ME1: variants seen among roughly 807,000 people sequenced by gnomAD.
ME1 encodes NADP-dependent malic enzyme.
Under a neutral mutation model 66.4 loss-of-function variants are expected in ME1, and 74 were observed. That is an observed-to-expected ratio of 1.11 (90% CI 0.92 to 1.35). ME1 has a LOEUF of 1.35. Among genes scored for constraint, ME1 ranks in the 40% most tolerant of loss-of-function variants. The pLI, the probability that ME1 is intolerant of heterozygous loss-of-function variation, is 0.00. For missense variants in ME1, 750 were observed against 694.1 expected (o/e 1.08, Z -0.90); for synonymous variants, 251 against 235.6 (o/e 1.07, Z -0.60).
chr6:83,233,236 G>C (rs964637955), intron 9 of ME1, among the ~76,000 whole-genome samples: 14 of 151,354 alleles, frequency 9.2e-5, no homozygotes, highest in South Asian at 2.1e-4. Context: ...TTTTTGTTTT[G>C]GAAGGTTTTT....
intron 6 of ME1, among the ~76,000 whole-genome samples, chr6:83,255,155 C>T (rs1033881550): frequency 1.3e-5 from 2 of 151,692 alleles, no homozygotes; most frequent in Admixed American, 6.6e-5. Flanking sequence ...CTGGTGTTAA[C>T]GTTTTTTGTT....
At chr6:83,269,105 A>G (rs1449151293) in intron 6 of ME1, among the ~76,000 whole-genome samples, 1 of 152,172 alleles carries the variant, frequency 6.6e-6, no homozygotes, top group Non-Finnish European at 1.5e-5. Context: ...GTGTATATTT[A>G]GGTAAGTGTT....
chr6:83,278,366 A>G (rs1767228467), intron 6 of ME1, among the ~76,000 whole-genome samples: 3 of 152,354 alleles, frequency 2.0e-5, no homozygotes, highest in East Asian at 3.9e-4. Flanking sequence ...TTAGGTTTTG[A>G]CTGAAGATTT....
chr6:83,388,764 T>A (rs970233075), intron 3 of ME1, among the ~76,000 whole-genome samples: 1 of 152,174 alleles, frequency 6.6e-6, no homozygotes, highest in Non-Finnish European at 1.5e-5. Flanking sequence ...AAAAAGACTA[T>A]CACCAGCAAA....
chr6:83,237,543 T>C (rs778264350), intron 9 of ME1, among the ~76,000 whole-genome samples, 174 bp downstream of exon 9: 3 of 152,184 alleles, frequency 2.0e-5, no homozygotes, highest in Admixed American at 6.5e-5. Context: ...TCCTAAGTCA[T>C]AGTTTTCTTT....
intron 6 of ME1, among the ~76,000 whole-genome samples, chr6:83,282,814 G>T (rs1483828799): frequency 6.6e-6 from 1 of 152,188 alleles, no homozygotes; most frequent in East Asian, 1.9e-4. Context: ...GCACATGTAT[G>T]TTTGCTGCAG....
At chr6:83,396,700 A>G (rs1223157436) in intron 3 of ME1, among the ~76,000 whole-genome samples, 1 of 152,218 alleles carries the variant, frequency 6.6e-6, no homozygotes, top group African/African-American at 2.4e-5. Flanking sequence ...AGCTAGAGGT[A>G]TCATACTACC....
intron 6 of ME1, among the ~76,000 whole-genome samples, chr6:83,262,963 A>G (rs1766924922): frequency 6.6e-6 from 1 of 152,160 alleles, no homozygotes; most frequent in East Asian, 1.9e-4. Context: ...AGATACTGCC[A>G]TTTTTTTACA....
At chr6:83,333,182 G>T (rs889572791) in intron 5 of ME1, among the ~76,000 whole-genome samples, 2 of 152,072 alleles carry the variant, frequency 1.3e-5, no homozygotes, top group Non-Finnish European at 2.9e-5. Context: ...ATTAAAATTT[G>T]CTAGGTTATT....
intron 2 of ME1, among the ~76,000 whole-genome samples, chr6:83,400,205 G>A (rs1332836467): frequency 6.6e-6 from 1 of 152,114 alleles, no homozygotes; most frequent in African/African-American, 2.4e-5. Flanking sequence ...GGGTCCTGGT[G>A]GGTATTTGGA....
intron 6 of ME1, among the ~76,000 whole-genome samples, chr6:83,258,057 G>T (rs994062110): frequency 6.6e-6 from 1 of 152,150 alleles, no homozygotes. Context: ...TTTCTCTGTG[G>T]TTAAAATGAA....
At chr6:83,426,720 T>G (rs1180269660) in intron 1 of ME1, among the ~76,000 whole-genome samples, 1 of 152,204 alleles carries the variant, frequency 6.6e-6, no homozygotes, top group East Asian at 1.9e-4. Context: ...TGACCCAAAT[T>G]AACTTCGATA....
intron 6 of ME1, among the ~76,000 whole-genome samples, chr6:83,300,963 G>A (rs1156920329): frequency 6.6e-6 from 1 of 152,100 alleles, no homozygotes; most frequent in Non-Finnish European, 1.5e-5. Context: ...ACCAAACACT[G>A]CGTGTTCTCA....
At chr6:83,340,898 G>A (rs1203843675) in intron 5 of ME1, among the ~76,000 whole-genome samples, 1 of 151,716 alleles carries the variant, frequency 6.6e-6, no homozygotes, top group African/African-American at 2.4e-5. Flanking sequence ...CTTTTTGTCT[G>A]TTTGCCTCTT....
At chr6:83,263,311 A>G (rs1171518069) in intron 6 of ME1, among the ~76,000 whole-genome samples, 2 of 152,138 alleles carry the variant, frequency 1.3e-5, no homozygotes, top group Admixed American at 1.3e-4. Context: ...ACCCCACAAT[A>G]GCCTTTAAGT....
intron 13 of ME1, among the ~76,000 whole-genome samples, chr6:83,213,035 G>GTT (rs572075871): frequency 0.12 from 16,518 of 138,620 alleles, 1,442 homozygotes; most frequent in East Asian, 0.24. Flanking sequence ...ATTCACACCA[G>GTT]TTTTTTTTTT....
intron 6 of ME1, among the ~76,000 whole-genome samples, chr6:83,275,389 T>C (rs1767158204): frequency 6.6e-6 from 1 of 150,722 alleles, no homozygotes. Flanking sequence ...TAGCACTACA[T>C]GAGGTTATAG....
At chr6:83,314,443 T>G (rs1179891179) in intron 6 of ME1, among the ~76,000 whole-genome samples, 1 of 152,200 alleles carries the variant, frequency 6.6e-6, no homozygotes, top group East Asian at 1.9e-4. Context: ...ATTGCTAGCA[T>G]ATAAAATTCA....
chr6:83,321,062 C>T (rs994847229), intron 5 of ME1, among the ~76,000 whole-genome samples: 2 of 152,108 alleles, frequency 1.3e-5, no homozygotes, highest in African/African-American at 4.8e-5. Flanking sequence ...TTAGGGAACT[C>T]CCTCCCCTAG....
Sources: gnomAD v4.1 joint callset for allele counts (sites outside exome capture counted in the v4.1 genomes callset) on GRCh38, gnomAD v4.1.1 for gene constraint, MANE v1.5 for transcripts, NCBI Gene and HGNC (gene_info 2026-07-23, HGNC 2026-07-21) for gene names.